PPP1R12A: variants seen among roughly 807,000 people sequenced by gnomAD.
PPP1R12A encodes protein phosphatase 1 regulatory subunit 12A.
A neutral mutation model predicts 139.6 loss-of-function variants in PPP1R12A; 19 were observed. The ratio of observed to expected loss-of-function variants is 0.14; its 90% CI spans 0.09 to 0.20. The LOEUF is 0.20. PPP1R12A is among the 10% of genes least tolerant of loss of function. The pLI is 1.00. For synonymous variants in PPP1R12A, 427 were observed against 420.6 expected (o/e 1.02, Z -0.19); for missense variants, 925 against 1,211.5 (o/e 0.76, Z 3.51).
At chr12:79,910,079 G>C (rs766690458) in intron 1 of PPP1R12A, among the ~76,000 whole-genome samples, 3 of 151,980 alleles carry the variant, frequency 2.0e-5, no homozygotes, top group Admixed American at 2.0e-4. Flanking sequence ...ATTTGGATGC[G>C]GATAAAGAAG....
chr12:79,899,705 C>G (rs916981925), intron 1 of PPP1R12A, among the ~76,000 whole-genome samples: 2 of 152,064 alleles, frequency 1.3e-5, no homozygotes, highest in Non-Finnish European at 2.9e-5. Context: ...CTTCTTAGAA[C>G]GTATGTTTTC....
chr12:79,887,939 TA>T (rs1884255014), intron 1 of PPP1R12A, among the ~76,000 whole-genome samples: 1 of 152,124 alleles, frequency 6.6e-6, no homozygotes, highest in African/African-American at 2.4e-5. Context: ...AGTAAGGACA[TA>T]AAATTGTTAC....
rs74468252 is a variant in PPP1R12A at position 79,906,437 on chromosome 12, T to C, written c.237+28258A>G. Reference sequence around the variant, plus strand: ...AAAGGGCTGACAGTAATTTTTTCTCTTATTTCTTATTTTCTAAATGTTCTA... The same window carrying C: ...AAAGGGCTGACAGTAATTTTTTCTCCTATTTCTTATTTTCTAAATGTTCTA... On this transcript the variant is annotated intron_variant, in intron 1 of 24. Coordinates refer to ENST00000450142, the MANE Select transcript of PPP1R12A (RefSeq NM_002480.3). 9.8e-3 allele frequency among the ~76,000 whole-genome samples: 1,489 copies of C among 152,166 alleles called. 32 individuals carry two copies. Among genetic ancestry groups the C allele is most frequent in the African/African-American group, 0.035 (1,434 of 41,546 alleles).
chr12:79,902,606 G>A (rs1885750853), intron 1 of PPP1R12A, among the ~76,000 whole-genome samples: 1 of 151,768 alleles, frequency 6.6e-6, no homozygotes, highest in Non-Finnish European at 1.5e-5. Context: ...ATTTTTACAG[G>A]TACATAGGTG....
At chr12:79,790,282 G>C (rs1871673066) in intron 20 of PPP1R12A, among the ~76,000 whole-genome samples, 185 bp downstream of exon 20, 4 of 152,092 alleles carry the variant, frequency 2.6e-5, no homozygotes, top group African/African-American at 9.7e-5. Flanking sequence ...TACTTGCTCT[G>C]ACTAGTGATC....
rs114919473 is a variant in PPP1R12A, at chr12:79,897,092, T to C, written c.238-24154A>G. 6.2e-3 allele frequency among the ~76,000 whole-genome samples: 939 copies of C among 152,302 alleles called. 8 individuals are homozygous for C. The highest frequency in any genetic ancestry group is 0.021 in the African/African-American group (870 of 41,564). Reference sequence around the variant, plus strand: ...AAAGACATATGTACTTGCATGTCCATTGCTGCGCCATGCACAACAGCAAAA... The same window carrying C: ...AAAGACATATGTACTTGCATGTCCACTGCTGCGCCATGCACAACAGCAAAA... On this transcript the variant is annotated intron_variant, in intron 1 of 24. Coordinates refer to ENST00000450142, the MANE Select transcript of PPP1R12A (RefSeq NM_002480.3).
intron 2 of PPP1R12A, among the ~76,000 whole-genome samples, chr12:79,855,114 G>A (rs765442646): frequency 3.0e-4 from 45 of 151,904 alleles, no homozygotes; most frequent in Middle Eastern, 3.4e-3. Flanking sequence ...TCAGCCTCCC[G>A]AGTAGCTGGG....
At chr12:79,826,388 C>T (rs1876774989) in intron 5 of PPP1R12A, among the ~76,000 whole-genome samples, 1 of 133,642 alleles carries the variant, frequency 7.5e-6, no homozygotes, top group African/African-American at 2.9e-5. Context: ...TTGCCCACTG[C>T]TGTGCAGTGC....
chr12:79,927,313 T>C (rs1328559308), intron 1 of PPP1R12A, among the ~76,000 whole-genome samples: 1 of 151,986 alleles, frequency 6.6e-6, no homozygotes, highest in East Asian at 1.9e-4. Context: ...AAAAAAGGAG[T>C]GTTTCTTGTT....
At chr12:79,781,751 A>C in intron 23 of PPP1R12A, 64 bp downstream of exon 23, 1 of 971,790 alleles carries the variant, frequency 1.0e-6, no homozygotes, top group Non-Finnish European at 1.5e-6. Context: ...AAAACAAAAA[A>C]CCTACCATTG....
In PPP1R12A at chr12:79,807,288, T is replaced by C; in HGVS notation, c.1593A>G (p.Arg531=). 6.4e-7 allele frequency: 1 copy of C among 1,556,738 alleles called. No homozygotes were observed. The highest frequency in any genetic ancestry group is 8.7e-7 in the Non-Finnish European group (1 of 1,149,034). The change falls in exon 12 of 25, where the codon AGA becomes AGG. Residue 531 remains arginine, a synonymous_variant. Coordinates refer to ENST00000450142, the MANE Select transcript of PPP1R12A (RefSeq NM_002480.3). ...TTTTTTTAAGATCATCTTCCCATTT[T>C]CTCCTTGTATATGAACTACTTGTTC... is the stretch of plus-strand genomic sequence containing the variant. ...SLRTSSSYTR[R]KWEDDLKKNS...
intron 22 of PPP1R12A, among the ~76,000 whole-genome samples, chr12:79,785,724 G>A (rs915905370): frequency 6.6e-6 from 1 of 152,048 alleles, no homozygotes; most frequent in African/African-American, 2.4e-5. Context: ...TATTTCCCTA[G>A]TTTCTTTGAT....
intron 22 of PPP1R12A, 53 bp from the exon 23 acceptor site, chr12:79,781,915 T>G: frequency 9.4e-7 from 1 of 1,062,688 alleles, no homozygotes; most frequent in South Asian, 1.5e-5. Flanking sequence ...AGTTCAGGGG[T>G]GACCACAGTA....
Position 79,828,302 on chromosome 12 carries a change from T to C in PPP1R12A, c.792+18A>G. Reference sequence around the variant, plus strand: ...ATTTCTAAAAGTTAAAGTATTAAAATACGTTTAAAACGCCTACCACTTTGT... The same window carrying C: ...ATTTCTAAAAGTTAAAGTATTAAAACACGTTTAAAACGCCTACCACTTTGT... On this transcript the variant is annotated intron_variant, in intron 5 of 24. Coordinates refer to ENST00000450142, the MANE Select transcript of PPP1R12A (RefSeq NM_002480.3). 6.3e-7 allele frequency: 1 copy of C among 1,593,056 alleles called. No individual in the cohort carries two copies. The highest frequency in any genetic ancestry group is 8.6e-7 in the Non-Finnish European group (1 of 1,168,956).
chr12:79,841,204 T>C (rs1044386714), intron 3 of PPP1R12A, among the ~76,000 whole-genome samples: 5 of 152,118 alleles, frequency 3.3e-5, no homozygotes, highest in Non-Finnish European at 5.9e-5. Flanking sequence ...AATGGAATTA[T>C]AGGCAAGAGC....
chr12:79,825,380 G>A (rs1172894933), intron 5 of PPP1R12A: 2 of 151,956 alleles, frequency 1.3e-5, no homozygotes, highest in Admixed American at 6.6e-5. Flanking sequence ...AACAATATTA[G>A]ATACATTCTA....
intron 23 of PPP1R12A, chr12:79,780,139 G>A (rs1309485069): frequency 3.3e-5 from 5 of 152,164 alleles, no homozygotes; most frequent in Non-Finnish European, 7.3e-5. Context: ...AGGAACTGGA[G>A]GATGCAGTGA....
intron 4 of PPP1R12A, among the ~76,000 whole-genome samples, chr12:79,830,079 T>G (rs2137146350): frequency 6.6e-6 from 1 of 152,114 alleles, no homozygotes; most frequent in South Asian, 2.1e-4. Context: ...GTTTTAACTT[T>G]CATAAGTAAT....
At chr12:79,805,841 G>A in intron 13 of PPP1R12A, 73 bp from the exon 14 acceptor site, 1 of 1,430,776 alleles carries the variant, frequency 7.0e-7, no homozygotes, top group Non-Finnish European at 9.5e-7. Context: ...CTTTCTAGCA[G>A]CTGAAAACAC....
Sources: allele counts gnomAD v4.1 joint callset (sites outside exome capture counted in the v4.1 genomes callset), GRCh38; gene constraint gnomAD v4.1.1; transcripts MANE v1.5; gene names NCBI Gene and HGNC (gene_info 2026-07-23, HGNC 2026-07-21).